SFMBT2: variants seen among roughly 807,000 people sequenced by gnomAD.
SFMBT2 encodes the protein scm-like with four MBT domains protein 2.
Under a neutral mutation model 110.1 loss-of-function variants are expected in SFMBT2, and 38 were observed. The ratio of observed to expected loss-of-function variants is 0.35; its 90% CI spans 0.27 to 0.45. SFMBT2 has a LOEUF of 0.45. Among genes scored for constraint, SFMBT2 ranks in the 20% least tolerant of loss-of-function variants. The probability of loss-of-function intolerance (pLI) is 1.00; values close to 1 mark genes in which losing one functional copy is unlikely to be tolerated. For synonymous variants in SFMBT2, 425 were observed against 425.4 expected (o/e 1.00, Z 0.01); for missense variants, 1,011 against 1,094.9 (o/e 0.92, Z 1.08).
Position 7,205,934 on chromosome 10 carries a change from T to C in SFMBT2, c.1331-6A>G. 6.2e-7 allele frequency: 1 copy of C among 1,613,818 alleles called. No individual in the cohort carries two copies. Among genetic ancestry groups the C allele is most frequent in the Non-Finnish European group, 8.5e-7 (1 of 1,179,824 alleles). ...TGGAACAGGAGTCTGCAGCCCTGCA[T>C]GGGAAGAAGTTGAAACAAGAGGTAC... On this transcript the variant is annotated splice_polypyrimidine_tract_variant and splice_region_variant and intron_variant, in intron 11 of 20. Transcript: ENST00000397167.
intron 16 of SFMBT2, among the ~76,000 whole-genome samples, chr10:7,180,993 G>T (rs1398805812): frequency 6.6e-6 from 1 of 152,060 alleles, no homozygotes; most frequent in African/African-American, 2.4e-5. Flanking sequence ...AGCCACTCCC[G>T]TTAGAAAAGC....
At position 7,344,327 on chromosome 10, in the gene SFMBT2, C is replaced by T. The variant is rs149801297; in HGVS notation, c.436+23322G>A. On this transcript the variant is annotated intron_variant, in intron 4 of 20. Coordinates refer to ENST00000397167, the MANE Select transcript of SFMBT2 (RefSeq NM_001387889.1). ...TGTCAAGGGTGGGGCCAGGTGGAGA[C>T]CATTGAATCATGGGGGCAGTTCTCC... Among the ~76,000 whole-genome samples the T allele has an allele frequency of 9.1e-3, 1,390 of 152,136 alleles. 19 individuals carry two copies. The highest frequency in any genetic ancestry group is 0.032 in the African/African-American group (1,319 of 41,494).
intron 16 of SFMBT2, among the ~76,000 whole-genome samples, chr10:7,177,836 C>A (rs939693235): frequency 6.7e-6 from 1 of 149,336 alleles, no homozygotes; most frequent in East Asian, 2.0e-4. Context: ...CCAGCCTGGG[C>A]GACACAGTGG....
chr10:7,302,662 C>G lies in SFMBT2; in HGVS notation c.437-16708G>C, dbSNP rs556030308. Among the ~76,000 whole-genome samples, 32 of 152,322 alleles carry G rather than the reference C, an allele frequency of 2.1e-4. No individual in the cohort carries two copies. In the South Asian group the frequency reaches 5.6e-3, roughly 27 times the overall value. On this transcript the variant is annotated intron_variant, in intron 4 of 20. Transcript: ENST00000397167. The stretch of plus-strand genomic sequence containing the variant: ...AAGGAGCATTCCAAAGTGCGAGGAT[C>G]ATGATTCAACATCATAAATCAGGTT...
intron 13 of SFMBT2, 31 bp downstream of exon 13, chr10:7,202,449 A>G: frequency 6.2e-7 from 1 of 1,613,640 alleles, no homozygotes; most frequent in African/African-American, 1.3e-5. Flanking sequence ...ATCGGTATAC[A>G]GTGTAGTCTG....
Position 7,229,601 on chromosome 10 carries a change from A to C in SFMBT2, c.1121-1664T>G, listed in dbSNP as rs540304671. On this transcript the variant is annotated intron_variant, in intron 9 of 20. Transcript: ENST00000397167. Reference sequence around the variant, plus strand: ...CAGAGCAAGACTCCATCTCAAAAAAAAAAAAAAAGAAAGAAAGAAACTCAA... The same window carrying C: ...CAGAGCAAGACTCCATCTCAAAAAACAAAAAAAAGAAAGAAAGAAACTCAA... Among the ~76,000 whole-genome samples the C allele has an allele frequency of 5.7e-3, 860 of 151,006 alleles. 12 individuals carry two copies. Among genetic ancestry groups the C allele is most frequent in the African/African-American group, 0.02 (808 of 41,126 alleles).
At chr10:7,261,711 G>C (rs1197830041) in intron 7 of SFMBT2, among the ~76,000 whole-genome samples, 1 of 152,216 alleles carries the variant, frequency 6.6e-6, no homozygotes, top group South Asian at 2.1e-4. Context: ...CCTAAACTGA[G>C]CCTTTCCTTT....
Position 7,205,919 on chromosome 10 carries a change from G to T in SFMBT2, c.1340C>A (p.Thr447Asn). ...LMWLHLEGLQ[T>N]PVPEVIVDVE... ...ATCAACAATGACCTCTGGAACAGGA[G>T]TCTGCAGCCCTGCATGGGAAGAAGT... The change falls in exon 12 of 21, where the codon ACT (threonine) becomes AAT (asparagine). Residue 447 changes from threonine (T) to asparagine (N), a missense_variant. Coordinates refer to ENST00000397167, the MANE Select transcript of SFMBT2 (RefSeq NM_001387889.1). 1 of 1,614,010 alleles carries T rather than the reference G, an allele frequency of 6.2e-7. No individual in the cohort carries two copies. The highest frequency in any genetic ancestry group is 8.5e-7 in the Non-Finnish European group (1 of 1,179,918).
intron 7 of SFMBT2, among the ~76,000 whole-genome samples, chr10:7,266,393 G>C (rs1271373375): frequency 5.3e-5 from 8 of 152,116 alleles, no homozygotes; most frequent in Non-Finnish European, 1.2e-4. Flanking sequence ...CCCAGTCCAG[G>C]GTTTTCTAAT....
chr10:7,188,006 C>T (rs891260003), intron 16 of SFMBT2, among the ~76,000 whole-genome samples: 1 of 152,154 alleles, frequency 6.6e-6, no homozygotes, highest in Admixed American at 6.5e-5. Flanking sequence ...GCCTAAACAA[C>T]CAAGTTCAAG....
At chr10:7,332,783 G>A (rs951953493) in intron 4 of SFMBT2, among the ~76,000 whole-genome samples, 8 of 152,248 alleles carry the variant, frequency 5.3e-5, no homozygotes, top group African/African-American at 1.2e-4. Context: ...AGCACTGGGT[G>A]CAGGCAGCAC....
intron 4 of SFMBT2, among the ~76,000 whole-genome samples, chr10:7,346,988 TCAAAA>T (rs71515471): frequency 0.023 from 3,471 of 150,348 alleles, 32 homozygotes; most frequent in African/African-American, 0.035. Flanking sequence ...AGACTCTGTC[TCAAAA>T]CAAAACAAAA....
intron 7 of SFMBT2, among the ~76,000 whole-genome samples, chr10:7,273,770 T>A (rs1212714543): frequency 1.3e-5 from 2 of 152,226 alleles, no homozygotes; most frequent in Admixed American, 1.3e-4. Context: ...TCCAGCTTCA[T>A]CCATGTCCCA....
chr10:7,321,942 T>G (rs1277262422), intron 4 of SFMBT2, among the ~76,000 whole-genome samples: 1 of 152,274 alleles, frequency 6.6e-6, no homozygotes, highest in Non-Finnish European at 1.5e-5. Context: ...TTGGAGGTTT[T>G]TTTAGGGAAC....
intron 4 of SFMBT2, among the ~76,000 whole-genome samples, chr10:7,364,825 G>A (rs535477458): frequency 8.7e-4 from 133 of 152,310 alleles, no homozygotes; most frequent in African/African-American, 3.0e-3. Context: ...GAGTGTGAGG[G>A]GGCACAAATG....
chr10:7,213,696 T>TCAGATCCGTGTGCGAGGCCATGGGCGC lies in SFMBT2; in HGVS notation c.1330+6714_1330+6715insGCGCCCATGGCCTCGCACACGGATCTG, dbSNP rs1564387137. ...AGTTGTGAGTGTGAGGCCATGGGTG[T>TCAGATCCGTGTGCGAGGCCATGGGCGC]GGGCACTCAGATCCGTGTGCGAGGC... On this transcript the variant is annotated intron_variant, in intron 11 of 20. Coordinates refer to ENST00000397167, the MANE Select transcript of SFMBT2 (RefSeq NM_001387889.1). 4.8e-4 allele frequency among the ~76,000 whole-genome samples: 60 copies of TCAGATCCGTGTGCGAGGCCATGGGCGC among 123,798 alleles called. 11 individuals carry two copies. Among genetic ancestry groups the TCAGATCCGTGTGCGAGGCCATGGGCGC allele is most frequent in the African/African-American group, 1.8e-3 (56 of 31,914 alleles). 81.2% of individuals were successfully genotyped at this position (123,798 alleles called of 152,430 possible). A position where few individuals can be genotyped will look rare whatever the true frequency, so the allele number is the denominator to read the frequency against.
chr10:7,272,133 T>C (rs545613701), intron 7 of SFMBT2, among the ~76,000 whole-genome samples: 15 of 152,232 alleles, frequency 9.9e-5, no homozygotes, highest in African/African-American at 3.6e-4. Flanking sequence ...CCAGGAAGGA[T>C]GTGGCAGCTT....
At chr10:7,331,209 C>A (rs1843549900) in intron 4 of SFMBT2, among the ~76,000 whole-genome samples, 1 of 152,238 alleles carries the variant, frequency 6.6e-6, no homozygotes, top group Non-Finnish European at 1.5e-5. Context: ...AGAATTCCCC[C>A]ATAGGCTAAG....
chr10:7,219,599 CA>C lies in SFMBT2; in HGVS notation c.1330+811del, dbSNP rs531850637. 29 of 230,906 alleles carry C rather than the reference CA, an allele frequency of 1.3e-4. No individual in the cohort carries two copies. In the East Asian group the frequency reaches 5.4e-3, roughly 43 times the overall value. The allele number at this position is 230,906 out of a possible 1,614,324, so 14.3% of individuals were successfully genotyped here. On this transcript the variant is annotated intron_variant, in intron 11 of 20. Coordinates refer to ENST00000397167, the MANE Select transcript of SFMBT2 (RefSeq NM_001387889.1). ...ATTCCAATCATGGTATTGAGTAAGTCATAAGATTTAAACTATGAACTAGGAG... is the reference window on the plus strand; with the variant it reads ...ATTCCAATCATGGTATTGAGTAAGTCTAAGATTTAAACTATGAACTAGGAG...
Sources: allele counts gnomAD v4.1 joint callset (sites outside exome capture counted in the v4.1 genomes callset), GRCh38; gene constraint gnomAD v4.1.1; transcripts MANE v1.5; gene names NCBI Gene and HGNC (gene_info 2026-07-23, HGNC 2026-07-21).